PEX7: variants seen among roughly 807,000 people sequenced by gnomAD.
PEX7 encodes PTS2 receptor.
A neutral mutation model predicts 47.5 loss-of-function variants in PEX7; 34 were observed. The observed-to-expected ratio is 0.72, with a 90% CI of 0.54 to 0.95. The LOEUF (loss-of-function observed/expected upper bound fraction) is 0.95, where lower values mean the gene tolerates loss of function less well. Ranked by LOEUF, PEX7 falls within the 40% of genes least tolerant of loss-of-function variation. The probability of loss-of-function intolerance (pLI) is 0.00; values close to 1 mark genes in which losing one functional copy is unlikely to be tolerated. For missense variants in PEX7, 394 were observed against 400.3 expected (o/e 0.98, Z 0.13); for synonymous variants, 141 against 148.8 (o/e 0.95, Z 0.38).
chr6:136,824,419 T>G (rs960953489), intron 1 of PEX7, among the ~76,000 whole-genome samples: 11 of 152,188 alleles, frequency 7.2e-5, no homozygotes, highest in African/African-American at 2.7e-4. Flanking sequence ...TTGCCCAGGC[T>G]GGTCCGGAAC....
chr6:136,864,102 A>G (rs547732174), intron 5 of PEX7, among the ~76,000 whole-genome samples: 8 of 152,188 alleles, frequency 5.3e-5, no homozygotes, highest in East Asian at 1.9e-4. Context: ...CTGCATTTGT[A>G]TAGTACTATA....
At position 136,861,924 on chromosome 6, in the gene PEX7, G is replaced by C. The variant is rs929840476; in HGVS notation, c.527-4703G>C. 2.1e-5 allele frequency among the ~76,000 whole-genome samples: 3 copies of C among 145,024 alleles called. No homozygotes were observed. The South Asian group carries it at 6.4e-4, about 31-fold the overall frequency. On this transcript the variant is annotated intron_variant, in intron 5 of 9. Coordinates refer to ENST00000318471, the MANE Select transcript of PEX7 (RefSeq NM_000288.4). ...ATATATATTCAGTGTATAATGCAGC[G>C]TGACATCCACGTCACCCTGCATTAT...
At chr6:136,861,257 G>C (rs1774959152) in intron 5 of PEX7, among the ~76,000 whole-genome samples, 1 of 151,752 alleles carries the variant, frequency 6.6e-6, no homozygotes, top group South Asian at 2.1e-4. Flanking sequence ...ACTAATTTTT[G>C]TATTTTCTGT....
chr6:136,912,528 T>C (rs1359449975), intron 9 of PEX7, among the ~76,000 whole-genome samples: 1 of 152,196 alleles, frequency 6.6e-6, no homozygotes, highest in Non-Finnish European at 1.5e-5. Flanking sequence ...TGAAAGCCAT[T>C]TGTCCAAGTG....
chr6:136,834,574 C>T (rs1014907798), intron 3 of PEX7, among the ~76,000 whole-genome samples: 2 of 152,176 alleles, frequency 1.3e-5, no homozygotes, highest in Non-Finnish European at 1.5e-5. Context: ...TGTGAAAGAG[C>T]GTGGCATGTC....
Position 136,872,178 on chromosome 6 carries a change from T to A in PEX7, c.748-20T>A. 1 of 1,603,276 alleles carries A rather than the reference T, an allele frequency of 6.2e-7. No homozygotes were observed. Among genetic ancestry groups the A allele is most frequent in the East Asian group, 2.2e-5 (1 of 44,718 alleles). ...CAGCTGACTTCAAAAAGGGTTTTTT[T>A]TTTCTTTTTTTTTTTGTAGTTTTCA... On this transcript the variant is annotated intron_variant, in intron 7 of 9. Transcript: ENST00000318471.
rs530631246 is a variant in PEX7 at position 136,851,942 on chromosome 6, G to T, written c.526+5761G>T. On this transcript the variant is annotated intron_variant, in intron 5 of 9. Coordinates refer to ENST00000318471, the MANE Select transcript of PEX7 (RefSeq NM_000288.4). ...GTAGGTTGCGAAAATTTTCTCCCAT[G>T]TTGTAGGTTGCCTGTTCACTCTGAT... Among the ~76,000 whole-genome samples the T allele has an allele frequency of 7.0e-3, 524 of 74,570 alleles. 9 individuals are homozygous for T. Among genetic ancestry groups the T allele is most frequent in the African/African-American group, 0.033 (480 of 14,556 alleles). The allele number at this position is 74,570 out of a possible 152,430, so 48.9% of individuals were successfully genotyped here. A position where few individuals can be genotyped will look rare whatever the true frequency, so the allele number is the denominator to read the frequency against.
At chr6:136,874,542 G>A (rs1775235002) in intron 8 of PEX7, among the ~76,000 whole-genome samples, 1 of 151,674 alleles carries the variant, frequency 6.6e-6, no homozygotes, top group Non-Finnish European at 1.5e-5. Flanking sequence ...CATGATGGCA[G>A]GTGCCTGTAA....
At chr6:136,830,038 A>G (rs1168755268) in intron 3 of PEX7, 1 of 716,758 alleles carries the variant, frequency 1.4e-6, no homozygotes, top group East Asian at 2.7e-5. Context: ...GTGAAATAGA[A>G]GAGCAACTAA....
At chr6:136,863,998 G>A (rs1183063243) in intron 5 of PEX7, among the ~76,000 whole-genome samples, 1 of 152,196 alleles carries the variant, frequency 6.6e-6, no homozygotes, top group Admixed American at 6.6e-5. Flanking sequence ...AAGCTGTAAA[G>A]TGTGCATGCT....
At chr6:136,847,929 C>G (rs1163979234) in intron 5 of PEX7, among the ~76,000 whole-genome samples, 3 of 152,128 alleles carry the variant, frequency 2.0e-5, no homozygotes, top group Admixed American at 6.6e-5. Context: ...TATAAATTAC[C>G]TTGGGCAGTA....
intron 9 of PEX7, among the ~76,000 whole-genome samples, chr6:136,910,540 C>T (rs1464389959): frequency 6.6e-6 from 1 of 152,144 alleles, no homozygotes; most frequent in Admixed American, 6.5e-5. Context: ...GAAATGGGAA[C>T]AACCAGATCT....
At chr6:136,872,611 G>A (rs925464271) in intron 8 of PEX7, among the ~76,000 whole-genome samples, 17 of 152,066 alleles carry the variant, frequency 1.1e-4, no homozygotes, top group African/African-American at 3.1e-4. Context: ...TATATGAGTC[G>A]TAAGGCTAAG....
intron 4 of PEX7, 106 bp downstream of exon 4, chr6:136,845,798 A>G (rs965319414): frequency 1.3e-6 from 1 of 794,186 alleles, no homozygotes; most frequent in Non-Finnish European, 2.2e-6. Context: ...ATGATTCGAC[A>G]GCTGAGCTTT....
intron 8 of PEX7, among the ~76,000 whole-genome samples, chr6:136,892,784 T>C (rs1775579540): frequency 6.6e-6 from 1 of 152,240 alleles, no homozygotes; most frequent in South Asian, 2.1e-4. Context: ...ACAAGAAACA[T>C]GAGAATCTTT....
intron 6 of PEX7, among the ~76,000 whole-genome samples, chr6:136,868,259 A>G (rs1473300462): frequency 2.0e-5 from 3 of 152,210 alleles, no homozygotes; most frequent in African/African-American, 7.2e-5. Flanking sequence ...TTCTGAGAGC[A>G]TATCCCCATC....
chr6:136,889,265 G>T (rs1021042144), intron 8 of PEX7, among the ~76,000 whole-genome samples: 1 of 152,084 alleles, frequency 6.6e-6, no homozygotes, highest in African/African-American at 2.4e-5. Flanking sequence ...AGTACCAGAT[G>T]AAAATGAAAA....
At position 136,841,924 on chromosome 6, in the gene PEX7, C is replaced by T. The variant is rs554121094; in HGVS notation, c.340-3691C>T. 6.0e-5 allele frequency among the ~76,000 whole-genome samples: 9 copies of T among 150,488 alleles called. No homozygotes were observed. The East Asian group carries it at 1.6e-3, about 26-fold the overall frequency. On this transcript the variant is annotated intron_variant, in intron 3 of 9. Coordinates refer to ENST00000318471, the MANE Select transcript of PEX7 (RefSeq NM_000288.4). ...TTTAAATTAAAAAAAAAAACCCACA[C>T]AGTCTCCTGATCTGTTAGTTCCTTT... is the stretch of plus-strand genomic sequence containing the variant.
intron 8 of PEX7, among the ~76,000 whole-genome samples, chr6:136,886,183 G>C (rs1284261621): frequency 6.6e-6 from 1 of 152,148 alleles, no homozygotes; most frequent in African/African-American, 2.4e-5. Context: ...GCTCCTTGGA[G>C]GTGAAAGAGA....
Sources: allele counts gnomAD v4.1 joint callset (sites outside exome capture counted in the v4.1 genomes callset), GRCh38; gene constraint gnomAD v4.1.1; transcripts MANE v1.5; gene names NCBI Gene and HGNC (gene_info 2026-07-23, HGNC 2026-07-21).